The following TASP1 variants were observed in gnomAD, a reference collection of about 807,000 sequenced individuals.
TASP1 encodes threonine aspartase 1.
In TASP1, 16 loss-of-function variants were observed where a neutral mutation model predicts 56.6. The ratio of observed to expected loss-of-function variants is 0.28; its 90% CI spans 0.19 to 0.43. The LOEUF is 0.43. TASP1 is among the 20% of genes least tolerant of loss of function. The probability of loss-of-function intolerance (pLI) is 1.00; values close to 1 mark genes in which losing one functional copy is unlikely to be tolerated. For missense variants in TASP1, 393 were observed against 511.6 expected, an observed-to-expected ratio of 0.77 and a Z score of 2.24; for synonymous variants, 179 against 184.2, an observed-to-expected ratio of 0.97 and a Z score of 0.23.
chr20:13,200,269 C>G, the TASP1 span, among the ~76,000 whole-genome samples: 1 of 152,206 alleles, frequency 6.6e-6, no homozygotes, highest in South Asian at 2.1e-4. Context: ...ATGAATGGGT[C>G]TCCCTTTGAG....
chr20:13,587,453 C>T, intron 4 of TASP1, 83 bp from the exon 5 acceptor site: 2 of 1,207,478 alleles, frequency 1.7e-6, no homozygotes, highest in Non-Finnish European at 2.3e-6. Flanking sequence ...TTTCTAAAAG[C>T]TAGAAGGTGA....
chr20:13,318,279 A>G, the TASP1 span, among the ~76,000 whole-genome samples: 1 of 152,178 alleles, frequency 6.6e-6, no homozygotes, highest in East Asian at 1.9e-4. Flanking sequence ...TTAACACAAC[A>G]ACAAGATACC....
chr20:13,279,200 T>C, the TASP1 span, among the ~76,000 whole-genome samples: 1 of 152,226 alleles, frequency 6.6e-6, no homozygotes, highest in South Asian at 2.1e-4. Flanking sequence ...ATAAATGTTA[T>C]GTTTTATTAT....
chr20:13,609,152 C>T (rs952268051), intron 4 of TASP1, among the ~76,000 whole-genome samples: 1 of 152,018 alleles, frequency 6.6e-6, no homozygotes, highest in South Asian at 2.1e-4. Flanking sequence ...ATAAACATTT[C>T]TACCAAAAAG....
intron 4 of TASP1, among the ~76,000 whole-genome samples, chr20:13,605,688 T>C (rs996834835): frequency 6.6e-6 from 1 of 151,760 alleles, no homozygotes; most frequent in Non-Finnish European, 1.5e-5. Context: ...TAAAAAAAAA[T>C]AATAATAAAT....
At chr20:13,465,178 CAAAAAAAAA>C (rs771255579) in intron 11 of TASP1, among the ~76,000 whole-genome samples, 2 of 57,256 alleles carry the variant, frequency 3.5e-5, no homozygotes, top group Admixed American at 2.2e-4. Context: ...TTCTCTCTCC[CAAAAAAAAA>C]AAAAAAAAAA....
the TASP1 span, chr20:13,110,293 C>G: frequency 8.3e-7 from 1 of 1,206,916 alleles, no homozygotes; most frequent in Non-Finnish European, 1.2e-6. Flanking sequence ...GCTCACCTTT[C>G]CTAGCTAAAC....
the TASP1 span, among the ~76,000 whole-genome samples, chr20:13,264,199 C>A: frequency 6.6e-6 from 1 of 152,180 alleles, no homozygotes; most frequent in African/African-American, 2.4e-5. Flanking sequence ...CAGAAATTTG[C>A]CAGCCAGTCT....
chr20:13,131,405 C>A, the TASP1 span, among the ~76,000 whole-genome samples: 5,453 of 152,206 alleles, frequency 0.036, 319 homozygotes, highest in African/African-American at 0.12. Flanking sequence ...TCCTTCATTG[C>A]AAATTAAAGG....
chr20:13,342,977 C>T, the TASP1 span, among the ~76,000 whole-genome samples: 1 of 152,178 alleles, frequency 6.6e-6, no homozygotes, highest in Non-Finnish European at 1.5e-5. Context: ...GAGCAAAAAA[C>T]TTGCTCTCAT....
At chr20:13,262,843 AT>A in the TASP1 span, among the ~76,000 whole-genome samples, 31 of 152,298 alleles carry the variant, frequency 2.0e-4, no homozygotes, top group East Asian at 6.0e-3. Context: ...AGAGTTGCCC[AT>A]TCTTCATTTC....
chr20:13,238,451 T>G, the TASP1 span, among the ~76,000 whole-genome samples: 4 of 152,180 alleles, frequency 2.6e-5, no homozygotes, highest in Non-Finnish European at 5.9e-5. Flanking sequence ...AAACATTTTT[T>G]TAAGGGTTGG....
the TASP1 span, among the ~76,000 whole-genome samples, chr20:13,362,717 A>G: frequency 1.2e-4 from 18 of 151,508 alleles, no homozygotes; most frequent in African/African-American, 4.4e-4. Flanking sequence ...GATTCTGTTT[A>G]TATGAAATTC....
the TASP1 span, among the ~76,000 whole-genome samples, chr20:13,337,136 G>C: frequency 1.3e-5 from 2 of 152,178 alleles, no homozygotes; most frequent in Admixed American, 1.3e-4. Flanking sequence ...AGTGGGGTTT[G>C]AGACCCTGAA....
chr20:13,123,321 ACT>A, the TASP1 span, among the ~76,000 whole-genome samples: 2 of 137,978 alleles, frequency 1.4e-5, no homozygotes, highest in Non-Finnish European at 3.0e-5. Flanking sequence ...ACAGAGCAAG[ACT>A]CTGTCTAAAA....
At position 13,407,649 on chromosome 20, in the gene TASP1, C is replaced by A. The variant is rs12481291; in HGVS notation, c.1170+9799G>T. On this transcript the variant is annotated intron_variant, in intron 13 of 13. Coordinates refer to ENST00000337743, the MANE Select transcript of TASP1 (RefSeq NM_017714.3). ...CTATGTTTAACTTTTTGAGGAACTG[C>A]CAAACTGTTGTCCAAAGTAGCAGCA... Among the ~76,000 whole-genome samples the A allele has an allele frequency of 3.2e-3, 487 of 152,248 alleles. 2 individuals are homozygous for A. The highest frequency in any genetic ancestry group is 0.01 in the East Asian group (53 of 5,186).
chr20:13,307,046 G>A, the TASP1 span, among the ~76,000 whole-genome samples: 1,318 of 152,274 alleles, frequency 8.7e-3, 10 homozygotes, highest in Non-Finnish European at 0.014. Flanking sequence ...AAGAACAAAA[G>A]CAGCTGATCC....
the TASP1 span, among the ~76,000 whole-genome samples, chr20:13,283,977 G>C: frequency 1.3e-5 from 2 of 152,202 alleles, no homozygotes; most frequent in African/African-American, 2.4e-5. Context: ...AACAGGATAC[G>C]GTGGGAGCAG....
chr20:13,349,984 C>G, the TASP1 span, among the ~76,000 whole-genome samples: 44 of 152,212 alleles, frequency 2.9e-4, no homozygotes, highest in African/African-American at 9.6e-4. Flanking sequence ...GACCCTGTCT[C>G]TATAAGAAAT....
Sources: gnomAD v4.1 joint callset for allele counts (sites outside exome capture counted in the v4.1 genomes callset) on GRCh38, gnomAD v4.1.1 for gene constraint, MANE v1.5 for transcripts, NCBI Gene and HGNC (gene_info 2026-07-23, HGNC 2026-07-21) for gene names.